Variants in CSMD1 observed in about 807,000 individuals in gnomAD.
The protein encoded by CSMD1 is CUB and Sushi multiple domains 1.
A neutral mutation model predicts 417.5 loss-of-function variants in CSMD1; 213 were observed. That is an observed-to-expected ratio of 0.51 (90% CI 0.46 to 0.57). CSMD1 has a LOEUF of 0.57. CSMD1 is among the 20% of genes least tolerant of loss of function. The pLI, the probability that CSMD1 is intolerant of heterozygous loss-of-function variation, is 0.00. For missense variants in CSMD1, 6,923 were observed against 4,529.7 expected (o/e 1.53, Z -15.17); for synonymous variants, 2,862 against 1,736.8 (o/e 1.65, Z -16.11).
chr8:3,363,097 T>C (rs1007052678), intron 20 of CSMD1, among the ~76,000 whole-genome samples: 1 of 152,194 alleles, frequency 6.6e-6, no homozygotes, highest in Non-Finnish European at 1.5e-5. Flanking sequence ...CCCTCTGCTT[T>C]ATCCTAAACT....
chr8:3,979,192 A>T (rs1014044038), intron 5 of CSMD1, among the ~76,000 whole-genome samples: 1 of 152,234 alleles, frequency 6.6e-6, no homozygotes, highest in African/African-American at 2.4e-5. Flanking sequence ...ACTAACAGAC[A>T]GGGACAGCCA....
chr8:3,525,160 G>T (rs183692994), intron 10 of CSMD1, among the ~76,000 whole-genome samples: 44 of 152,154 alleles, frequency 2.9e-4, no homozygotes, highest in Non-Finnish European at 3.5e-4. Flanking sequence ...GTCTCAGTAG[G>T]GTCTTCTTGT....
chr8:4,942,724 C>T (rs1563827402), intron 1 of CSMD1, among the ~76,000 whole-genome samples: 1 of 152,120 alleles, frequency 6.6e-6, no homozygotes, highest in Non-Finnish European at 1.5e-5. Context: ...AGTGGAGAAT[C>T]CAATACCGAC....
Position 4,100,706 on chromosome 8 carries a change from T to C in CSMD1, c.416-68607A>G, listed in dbSNP as rs771230672. Among the ~76,000 whole-genome samples the C allele has an allele frequency of 5.3e-5, 8 of 152,284 alleles. No homozygotes were observed. In the South Asian group the frequency reaches 1.7e-3, roughly 32 times the overall value. On this transcript the variant is annotated intron_variant, in intron 3 of 69. Coordinates refer to ENST00000635120, the MANE Select transcript of CSMD1 (RefSeq NM_033225.6). ...TCATACTGGGAGACTCTTTAATTTT[T>C]TTCCTCATAAACTTCCACACTGCTG...
chr8:3,502,278 T>A (rs1796634771), intron 10 of CSMD1, among the ~76,000 whole-genome samples: 2 of 148,964 alleles, frequency 1.3e-5, no homozygotes, highest in Admixed American at 6.9e-5. Context: ...GGCAGGAGAC[T>A]GACGCGAACC....
intron 3 of CSMD1, among the ~76,000 whole-genome samples, chr8:4,186,915 G>A (rs531499095): frequency 3.3e-5 from 5 of 151,950 alleles, no homozygotes; most frequent in African/African-American, 1.2e-4. Context: ...AGAATCACCT[G>A]AACCCACGAG....
chr8:3,407,258 A>C (rs10101928), intron 14 of CSMD1, among the ~76,000 whole-genome samples: 21,026 of 151,788 alleles, frequency 0.14, 1,514 homozygotes, highest in East Asian at 0.2. Flanking sequence ...GATGAATGGA[A>C]GGATATGGAT....
intron 3 of CSMD1, among the ~76,000 whole-genome samples, chr8:4,340,694 G>A (rs1022235090): frequency 6.6e-6 from 1 of 151,960 alleles, no homozygotes; most frequent in Non-Finnish European, 1.5e-5. Context: ...TTTATTAGAA[G>A]TACATTTTAA....
intron 1 of CSMD1, among the ~76,000 whole-genome samples, chr8:4,883,315 C>T (rs1383534890): frequency 2.0e-5 from 3 of 151,964 alleles, no homozygotes; most frequent in East Asian, 3.9e-4. Context: ...TATAATACCT[C>T]TATTTGGATA....
chr8:4,860,541 G>A (rs1563612394), intron 1 of CSMD1, among the ~76,000 whole-genome samples: 2 of 152,044 alleles, frequency 1.3e-5, no homozygotes, highest in Non-Finnish European at 2.9e-5. Flanking sequence ...AACTTGAGCA[G>A]ATGCTCGTGC....
At chr8:4,924,149 A>G (rs1037501377) in intron 1 of CSMD1, among the ~76,000 whole-genome samples, 1 of 152,110 alleles carries the variant, frequency 6.6e-6, no homozygotes, top group Non-Finnish European at 1.5e-5. Flanking sequence ...ACATCCAGAC[A>G]CTCGATGTTG....
At chr8:4,733,846 C>T (rs1346805884) in intron 1 of CSMD1, among the ~76,000 whole-genome samples, 1 of 152,236 alleles carries the variant, frequency 6.6e-6, no homozygotes, top group Admixed American at 6.5e-5. Context: ...CTGACCATTA[C>T]AAGAAGTCAA....
intron 1 of CSMD1, among the ~76,000 whole-genome samples, chr8:4,820,704 G>C (rs144248442): frequency 6.6e-6 from 1 of 152,150 alleles, no homozygotes; most frequent in African/African-American, 2.4e-5. Flanking sequence ...TAACAAGGCT[G>C]CATAGCTCAT....
At chr8:4,429,331 T>G (rs1236551124) in intron 2 of CSMD1, among the ~76,000 whole-genome samples, 1 of 152,042 alleles carries the variant, frequency 6.6e-6, no homozygotes, top group African/African-American at 2.4e-5. Context: ...GCTTTACATG[T>G]GTATATGTGT....
In CSMD1 at chr8:3,707,568, C is replaced by T. The variant is rs191664933; in HGVS notation, c.1009+846G>A. Among the ~76,000 whole-genome samples the T allele has an allele frequency of 5.7e-4, 87 of 152,286 alleles. 1 individual carries two copies. The highest frequency in any genetic ancestry group is 5.4e-3 in the Admixed American group (83 of 15,298). ...ATCTCAGTAGACGGTACTCATCTCT[C>T]GTTTGTAAGAAAAGCAAACCCTCAG... On this transcript the variant is annotated intron_variant, in intron 7 of 69. Transcript: ENST00000635120.
chr8:3,666,460 G>A (rs1322072812), intron 7 of CSMD1, among the ~76,000 whole-genome samples: 1 of 152,036 alleles, frequency 6.6e-6, no homozygotes, highest in South Asian at 2.1e-4. Context: ...ACTGAATCAC[G>A]ATTGATCCTT....
chr8:3,451,908 G>A (rs1585184883), intron 12 of CSMD1, among the ~76,000 whole-genome samples: 1 of 152,194 alleles, frequency 6.6e-6, no homozygotes, highest in East Asian at 1.9e-4. Flanking sequence ...ACCTTGGGCA[G>A]TATGGCCATT....
intron 1 of CSMD1, among the ~76,000 whole-genome samples, chr8:4,814,418 G>C (rs548994180): frequency 6.6e-6 from 1 of 152,194 alleles, no homozygotes; most frequent in South Asian, 2.1e-4. Context: ...GCTAATTTTT[G>C]TTATTTTTAG....
intron 3 of CSMD1, among the ~76,000 whole-genome samples, chr8:4,228,329 TC>T (rs1339908278): frequency 1.3e-5 from 2 of 152,174 alleles, no homozygotes; most frequent in African/African-American, 4.8e-5. Context: ...TTATTCTCTG[TC>T]TCTAATTCCT....
Sources: allele counts gnomAD v4.1 joint callset (sites outside exome capture counted in the v4.1 genomes callset), GRCh38; gene constraint gnomAD v4.1.1; transcripts MANE v1.5; gene names NCBI Gene and HGNC (gene_info 2026-07-23, HGNC 2026-07-21).